Variants in ADGRL2 observed in about 807,000 individuals in gnomAD.
The protein encoded by ADGRL2 is calcium-independent alpha-latrotoxin receptor 2.
ADGRL2 carries 44 observed loss-of-function variants against 157.4 expected under a neutral mutation model. The observed-to-expected ratio is 0.28, with a 90% confidence interval of 0.22 to 0.36. The LOEUF (loss-of-function observed/expected upper bound fraction) is 0.36, where lower values mean the gene tolerates loss of function less well. Ranked by LOEUF, ADGRL2 falls within the 10% of genes least tolerant of loss-of-function variation. The pLI is 1.00. For synonymous variants in ADGRL2, 585 were observed against 624.7 expected, an observed-to-expected ratio of 0.94 and a Z score of 0.95; for missense variants, 1,510 against 1,768.9, an observed-to-expected ratio of 0.85 and a Z score of 2.63.
At chr1:81,613,403 G>T (rs1206655914) in intron 3 of ADGRL2, among the ~76,000 whole-genome samples, 1 of 152,216 alleles carries the variant, frequency 6.6e-6, no homozygotes, top group Non-Finnish European at 1.5e-5. Flanking sequence ...GAAAGCCTGG[G>T]AAGGAGGTGA....
At chr1:81,900,934 G>A (rs1383322001) in intron 2 of ADGRL2, among the ~76,000 whole-genome samples, 2 of 151,868 alleles carry the variant, frequency 1.3e-5, no homozygotes, top group Admixed American at 6.6e-5. Flanking sequence ...GAATTCAAGC[G>A]AATTAAAATA....
chr1:81,612,232 T>G (rs2081557005), intron 3 of ADGRL2, among the ~76,000 whole-genome samples: 1 of 152,076 alleles, frequency 6.6e-6, no homozygotes, highest in Admixed American at 6.5e-5. Flanking sequence ...CCTGAGTAGC[T>G]AGTTTGTAGG....
At chr1:81,505,401 G>T (rs1384765185) in intron 2 of ADGRL2, among the ~76,000 whole-genome samples, 1 of 150,792 alleles carries the variant, frequency 6.6e-6, no homozygotes, top group Non-Finnish European at 1.5e-5. Context: ...ACAAAGGATG[G>T]ACTCTTCCCA....
chr1:81,578,413 G>C (rs1216030503), intron 2 of ADGRL2, among the ~76,000 whole-genome samples: 2 of 152,070 alleles, frequency 1.3e-5, no homozygotes, highest in Non-Finnish European at 2.9e-5. Flanking sequence ...CACTACTAAA[G>C]TTGTTCTTAT....
intron 2 of ADGRL2, among the ~76,000 whole-genome samples, chr1:81,518,472 AT>A (rs2079234240): frequency 6.6e-6 from 1 of 152,182 alleles, no homozygotes; most frequent in Middle Eastern, 3.2e-3. Context: ...ATCCAGAGAA[AT>A]GGGAATTGTT....
chr1:81,574,511 G>A (rs1052951915), intron 2 of ADGRL2, among the ~76,000 whole-genome samples: 1 of 152,126 alleles, frequency 6.6e-6, no homozygotes, highest in Non-Finnish European at 1.5e-5. Flanking sequence ...TATGCTTCCC[G>A]CAGCTGACAC....
intron 1 of ADGRL2, among the ~76,000 whole-genome samples, chr1:81,415,082 A>G (rs746729628): frequency 2.6e-5 from 4 of 152,230 alleles, no homozygotes; most frequent in Admixed American, 2.0e-4. Flanking sequence ...AAGCTTGTCA[A>G]CCAAACACAA....
intron 1 of ADGRL2, among the ~76,000 whole-genome samples, chr1:81,376,455 A>G (rs1387982656): frequency 1.3e-5 from 2 of 152,192 alleles, no homozygotes; most frequent in Non-Finnish European, 2.9e-5. Flanking sequence ...GTAATTCCAC[A>G]CAATGGTGAT....
intron 3 of ADGRL2, among the ~76,000 whole-genome samples, chr1:81,651,821 A>G (rs138286884): frequency 1.7e-3 from 259 of 151,942 alleles, no homozygotes; most frequent in African/African-American, 5.2e-3. Flanking sequence ...GTAACCTCCA[A>G]CTCCTGGGTT....
At chr1:81,825,215 T>G (rs1312271530) in intron 1 of ADGRL2, among the ~76,000 whole-genome samples, 1 of 151,844 alleles carries the variant, frequency 6.6e-6, no homozygotes, top group Non-Finnish European at 1.5e-5. Flanking sequence ...AAATAAAAAT[T>G]TTTTTTTGTT....
chr1:81,714,851 GT>G (rs35230661), intron 1 of ADGRL2, among the ~76,000 whole-genome samples: 23 of 145,272 alleles, frequency 1.6e-4, no homozygotes, highest in East Asian at 1.2e-3. Context: ...GGCATGTTTT[GT>G]TTTTTTTTTT....
chr1:81,439,657 T>C (rs1213893369), intron 1 of ADGRL2, among the ~76,000 whole-genome samples: 1 of 152,216 alleles, frequency 6.6e-6, no homozygotes, highest in Non-Finnish European at 1.5e-5. Context: ...AGCACCCATG[T>C]GAGGGTGCCC....
chr1:81,503,424 C>G, intron 2 of ADGRL2: 1 of 1,613,716 alleles, frequency 6.2e-7, no homozygotes, highest in South Asian at 1.1e-5. Flanking sequence ...CTACCTCATC[C>G]CGGGGCACCC....
intron 3 of ADGRL2, among the ~76,000 whole-genome samples, chr1:81,634,467 C>A (rs2082075432): frequency 6.6e-6 from 1 of 151,622 alleles, no homozygotes; most frequent in Non-Finnish European, 1.5e-5. Context: ...CCTCCATGTT[C>A]CCCCCACTAT....
intron 2 of ADGRL2, among the ~76,000 whole-genome samples, chr1:81,492,991 T>C (rs2078663863): frequency 6.6e-6 from 1 of 152,192 alleles, no homozygotes; most frequent in Non-Finnish European, 1.5e-5. Flanking sequence ...TTTTAAAATC[T>C]AGGAGCAAAT....
intron 3 of ADGRL2, among the ~76,000 whole-genome samples, chr1:81,629,486 A>G (rs1328333535): frequency 6.6e-6 from 1 of 152,154 alleles, no homozygotes; most frequent in Non-Finnish European, 1.5e-5. Flanking sequence ...AGAACAGATT[A>G]TTTTTGAAAA....
intron 3 of ADGRL2, among the ~76,000 whole-genome samples, chr1:81,583,746 A>T (rs1243570888): frequency 6.6e-6 from 1 of 152,182 alleles, no homozygotes; most frequent in Non-Finnish European, 1.5e-5. Flanking sequence ...GATTAAAGGA[A>T]CTAGAAAGCT....
intron 2 of ADGRL2, among the ~76,000 whole-genome samples, chr1:81,492,279 G>C (rs2078649321): frequency 6.6e-6 from 1 of 151,940 alleles, no homozygotes; most frequent in Admixed American, 6.6e-5. Flanking sequence ...AAAAGCAAAG[G>C]GTAAATCTTG....
rs189149069 is a variant in ADGRL2, at chr1:81,507,712, T to G, written c.-248+62623T>G. Among the ~76,000 whole-genome samples the G allele has an allele frequency of 2.4e-4, 37 of 152,326 alleles. No homozygotes were observed. In the East Asian group the frequency reaches 6.6e-3, roughly 27 times the overall value. ...TTTGCTGCCTGATTCAATTCTTGAT[T>G]TCATTGACAGGGGCTCCATTGATGA... is the stretch of plus-strand genomic sequence containing the variant. On this transcript the variant is annotated intron_variant, in intron 2 of 24. Transcript: ENST00000370721.
Sources: gnomAD v4.1 joint callset for allele counts (sites outside exome capture counted in the v4.1 genomes callset) on GRCh38, gnomAD v4.1.1 for gene constraint, MANE v1.5 for transcripts, NCBI Gene and HGNC (gene_info 2026-07-23, HGNC 2026-07-21) for gene names.